The following SNX8 variants were observed in gnomAD, a reference collection of about 807,000 sequenced individuals.
The protein encoded by SNX8 is sorting nexin-8.
SNX8 carries 25 observed loss-of-function variants against 51.6 expected under a neutral mutation model. That is an observed-to-expected ratio of 0.48 (90% CI 0.35 to 0.68). The LOEUF is 0.68. Ranked by LOEUF, SNX8 falls within the 30% of genes least tolerant of loss-of-function variation. The probability of loss-of-function intolerance (pLI) is 0.00; values close to 1 mark genes in which losing one functional copy is unlikely to be tolerated. For missense variants in SNX8, 695 were observed against 624.0 expected (o/e 1.11, Z -1.21); for synonymous variants, 324 against 277.0 (o/e 1.17, Z -1.68).
rs553827743 is a variant in SNX8 at position 2,330,048 on chromosome 7, C to G, written c.-66+24174G>C. 7.4e-5 allele frequency among the ~76,000 whole-genome samples: 11 copies of G among 149,402 alleles called. 1 individual carries two copies. In the South Asian group the frequency reaches 2.3e-3, roughly 32 times the overall value. On this transcript the variant is annotated intron_variant, in intron 1 of 5. Transcript: ENST00000435336. The stretch of plus-strand genomic sequence containing the variant: ...ATTTCACCATGTTGGCCAGGCTGGT[C>G]TCGAACTCCTGACCTCAAGTGATCA...
intron 6 of SNX8, among the ~76,000 whole-genome samples, chr7:2,263,831 G>A (rs1480183627): frequency 6.6e-6 from 1 of 152,024 alleles, no homozygotes; most frequent in Non-Finnish European, 1.5e-5. Flanking sequence ...CTCTGCCTCA[G>A]CCTCCCGAGT....
At chr7:2,257,570 G>A (rs756757197) in intron 8 of SNX8, 56 bp from the exon 9 acceptor site, 2 of 1,591,564 alleles carry the variant, frequency 1.3e-6, no homozygotes, top group South Asian at 2.2e-5. Context: ...CCAGGGCCCT[G>A]CGGAGCCGGC....
intron 1 of SNX8, among the ~76,000 whole-genome samples, chr7:2,295,494 C>T (rs1262712417): frequency 2.1e-5 from 3 of 145,564 alleles, no homozygotes; most frequent in African/African-American, 7.7e-5. Context: ...CACCTGAGAA[C>T]AGGAGTGCAA....
At chr7:2,268,383 G>A (rs1483122389) in intron 5 of SNX8, among the ~76,000 whole-genome samples, 4 of 129,668 alleles carry the variant, frequency 3.1e-5, no homozygotes, top group South Asian at 2.6e-4. Context: ...CTCTCCGCCC[G>A]GCAGCCACCC....
intron 1 of SNX8, among the ~76,000 whole-genome samples, chr7:2,328,749 A>C (rs1316263592): frequency 6.6e-6 from 1 of 151,944 alleles, no homozygotes; most frequent in Non-Finnish European, 1.5e-5. Flanking sequence ...CAGGAGATCG[A>C]GACCATCCTG....
chr7:2,295,592 CAAAAA>C (rs147853805), intron 1 of SNX8, among the ~76,000 whole-genome samples: 3,974 of 92,978 alleles, frequency 0.043, 93 homozygotes, highest in African/African-American at 0.12. Context: ...GTAATCCCAG[CAAAAA>C]AAAAAAAAAA....
intron 1 of SNX8, among the ~76,000 whole-genome samples, chr7:2,304,499 GCC>G (rs1796502625): frequency 6.6e-6 from 1 of 150,526 alleles, no homozygotes; most frequent in Non-Finnish European, 1.5e-5. Context: ...AGCGGAGATT[GCC>G]CCACTGTACT....
intron 1 of SNX8, among the ~76,000 whole-genome samples, chr7:2,304,939 A>G (rs1232417666): frequency 2.6e-5 from 4 of 152,238 alleles, no homozygotes; most frequent in Non-Finnish European, 5.9e-5. Context: ...AACTGTGCCC[A>G]GTAATGAATA....
chr7:2,272,027 T>G, intron 3 of SNX8, 56 bp from the exon 4 acceptor site: 1 of 1,604,702 alleles, frequency 6.2e-7, no homozygotes, highest in African/African-American at 1.3e-5. Flanking sequence ...CCCCATCTTC[T>G]GCTCTGGGCG....
chr7:2,313,192 C>T (rs1796692692), intron 1 of SNX8, among the ~76,000 whole-genome samples: 2 of 151,958 alleles, frequency 1.3e-5, no homozygotes, highest in Admixed American at 1.3e-4. Flanking sequence ...AGCCACCGTG[C>T]CCAGCCATGT....
upstream of SNX8, among the ~76,000 whole-genome samples, chr7:2,317,251 C>CT (rs780593342): frequency 6.0e-4 from 26 of 43,116 alleles, 5 homozygotes; most frequent in South Asian, 1.9e-3. Context: ...CCTGGACCTT[C>CT]TTTTTTTTTT....
chr7:2,321,458 CCTCT>C (rs1296928170), intron 1 of SNX8, among the ~76,000 whole-genome samples: 3 of 149,976 alleles, frequency 2.0e-5, no homozygotes, highest in African/African-American at 4.9e-5. Flanking sequence ...ACGGAGTCTC[CCTCT>C]GTCACCCAGG....
chr7:2,257,947 G>C, intron 7 of SNX8, 144 bp from the exon 8 acceptor site: 2 of 718,858 alleles, frequency 2.8e-6, no homozygotes, highest in Non-Finnish European at 4.8e-6. Context: ...AGGTCTGCAG[G>C]GGGCCCCCTT....
At chr7:2,255,394 C>T (rs1391297527) in intron 10 of SNX8, among the ~76,000 whole-genome samples, 1 of 152,220 alleles carries the variant, frequency 6.6e-6, no homozygotes, top group Non-Finnish European at 1.5e-5. Context: ...ACCCACGCTT[C>T]GATCCCTGCA....
chr7:2,309,207 G>C (rs537529550), intron 1 of SNX8, among the ~76,000 whole-genome samples: 4 of 152,226 alleles, frequency 2.6e-5, no homozygotes, highest in African/African-American at 9.6e-5. Flanking sequence ...TTACAGGTGT[G>C]AGCCACCACA....
Position 2,289,563 on chromosome 7 carries a change from C to A in SNX8, c.95-11258G>T, listed in dbSNP as rs1038218028. The stretch of plus-strand genomic sequence containing the variant: ...TTCCATCTAGATGCTTTTCCCTTTA[C>A]GTTATAACCACCGTTCCATATTCCC... On this transcript the variant is annotated intron_variant, in intron 1 of 10. Coordinates refer to ENST00000222990, the MANE Select transcript of SNX8 (RefSeq NM_013321.4). 2.0e-5 allele frequency among the ~76,000 whole-genome samples: 3 copies of A among 152,112 alleles called. No homozygotes were observed. The East Asian group carries it at 5.8e-4, about 29-fold the overall frequency.
chr7:2,268,931 A>G (rs1795567930), intron 5 of SNX8, among the ~76,000 whole-genome samples: 2 of 124,252 alleles, frequency 1.6e-5, no homozygotes, highest in South Asian at 5.9e-4. Context: ...CTGCCTGGCC[A>G]GCCGCCCCGT....
At chr7:2,349,949 T>A (rs991213950) in intron 1 of SNX8, among the ~76,000 whole-genome samples, 1 of 152,096 alleles carries the variant, frequency 6.6e-6, no homozygotes, top group Non-Finnish European at 1.5e-5. Context: ...CAGCCCAGCA[T>A]GAGGCTCCCA....
chr7:2,309,399 G>A (rs756063422), intron 1 of SNX8, among the ~76,000 whole-genome samples: 9 of 152,136 alleles, frequency 5.9e-5, no homozygotes, highest in Non-Finnish European at 8.8e-5. Flanking sequence ...GGTGGCACAC[G>A]CCTGTAATCC....
Sources: allele counts gnomAD v4.1 joint callset (sites outside exome capture counted in the v4.1 genomes callset), GRCh38; gene constraint gnomAD v4.1.1; transcripts MANE v1.5; gene names NCBI Gene and HGNC (gene_info 2026-07-23, HGNC 2026-07-21).